MSI2: variants seen among roughly 807,000 people sequenced by gnomAD.
The protein encoded by MSI2 is RNA-binding protein Musashi homolog 2.
In MSI2, 17 loss-of-function variants were observed where a neutral mutation model predicts 45.6. That is an observed-to-expected ratio of 0.37 (90% confidence interval 0.26 to 0.56). MSI2 has a LOEUF of 0.56. Among genes scored for constraint, MSI2 ranks in the 20% least tolerant of loss-of-function variants. MSI2 has a pLI of 0.77. For synonymous variants in MSI2, 156 were observed against 158.2 expected, an observed-to-expected ratio of 0.99 and a Z score of 0.11; for missense variants, 293 against 444.2, an observed-to-expected ratio of 0.66 and a Z score of 3.06.
At chr17:57,676,088 G>A (rs1462957147) in intron 12 of MSI2, among the ~76,000 whole-genome samples, 3 of 152,204 alleles carry the variant, frequency 2.0e-5, no homozygotes, top group African/African-American at 4.8e-5. Context: ...GTCAGACTCC[G>A]CTTCTGAGTG....
At chr17:57,299,024 G>A (rs1911213294) in intron 5 of MSI2, among the ~76,000 whole-genome samples, 1 of 152,216 alleles carries the variant, frequency 6.6e-6, no homozygotes. Context: ...AGCACTTGCT[G>A]TATTACTTTG....
At chr17:57,564,379 G>T (rs1036380038) in intron 7 of MSI2, among the ~76,000 whole-genome samples, 1 of 152,180 alleles carries the variant, frequency 6.6e-6, no homozygotes, top group Admixed American at 6.5e-5. Context: ...TTTAATTGGG[G>T]ACATTTCTGA....
intron 13 of MSI2, among the ~76,000 whole-genome samples, chr17:57,678,049 C>T (rs1913356511): frequency 6.6e-6 from 1 of 152,210 alleles, no homozygotes; most frequent in African/African-American, 2.4e-5. Flanking sequence ...CAAAGCCTTT[C>T]AATCTTGGAG....
intron 8 of MSI2, among the ~76,000 whole-genome samples, chr17:57,599,674 A>C (rs1413010522): frequency 6.6e-6 from 1 of 152,214 alleles, no homozygotes; most frequent in Non-Finnish European, 1.5e-5. Flanking sequence ...AAGTGGGGGC[A>C]GATTGATTCG....
chr17:57,673,592 T>C (rs954564737), intron 11 of MSI2, among the ~76,000 whole-genome samples: 1 of 152,186 alleles, frequency 6.6e-6, no homozygotes, highest in Non-Finnish European at 1.5e-5. Context: ...AAAAATATTG[T>C]TTTCCATTTT....
At chr17:57,468,821 G>A (rs536909468) in intron 6 of MSI2, among the ~76,000 whole-genome samples, 6 of 152,236 alleles carry the variant, frequency 3.9e-5, no homozygotes, top group South Asian at 4.2e-4. Context: ...TGAGGATGGC[G>A]AGCGCTGGGG....
intron 6 of MSI2, among the ~76,000 whole-genome samples, chr17:57,450,601 G>A (rs960790526): frequency 1.4e-4 from 20 of 145,030 alleles, no homozygotes; most frequent in African/African-American, 4.9e-4. Flanking sequence ...AACTCGGGAG[G>A]TAGAGGCTAC....
At chr17:57,481,316 T>G (rs2085642553) in intron 6 of MSI2, among the ~76,000 whole-genome samples, 1 of 152,200 alleles carries the variant, frequency 6.6e-6, no homozygotes, top group Non-Finnish European at 1.5e-5. Context: ...TGTAACCTAT[T>G]CCACCCAAAT....
chr17:57,317,506 CTTTTT>C (rs921448429), intron 5 of MSI2, among the ~76,000 whole-genome samples: 1 of 94,574 alleles, frequency 1.1e-5, no homozygotes, highest in Non-Finnish European at 2.0e-5. Flanking sequence ...TATAGTTTTG[CTTTTT>C]TTTTTTTTTT....
chr17:57,535,480 G>A lies in MSI2; in HGVS notation c.454+5756G>A, dbSNP rs1017050441. On this transcript the variant is annotated intron_variant, in intron 7 of 13. Coordinates refer to ENST00000284073, the MANE Select transcript of MSI2 (RefSeq NM_138962.4). Reference sequence around the variant, plus strand: ...GCCTGCTTGCCCTGGAACATTGCCAGAGGCAAAGGAACAGGAGACACGGGG... The same window carrying A: ...GCCTGCTTGCCCTGGAACATTGCCAAAGGCAAAGGAACAGGAGACACGGGG... 5.9e-5 allele frequency among the ~76,000 whole-genome samples: 9 copies of A among 152,266 alleles called. 1 individual carries two copies. Among genetic ancestry groups the A allele is most frequent in the Admixed American group, 5.2e-4 (8 of 15,292 alleles).
chr17:57,285,779 T>G, intron 5 of MSI2: 1 of 1,263,286 alleles, frequency 7.9e-7, no homozygotes, highest in Non-Finnish European at 1.0e-6. Context: ...GCAAGCATCA[T>G]TATATTTTTA....
intron 6 of MSI2, among the ~76,000 whole-genome samples, chr17:57,519,733 A>G (rs1335223986): frequency 6.6e-6 from 1 of 152,202 alleles, no homozygotes; most frequent in Admixed American, 6.5e-5. Context: ...AGACAGGGGC[A>G]CTGCACAAAG....
intron 7 of MSI2, among the ~76,000 whole-genome samples, chr17:57,571,056 T>C (rs1319973223): frequency 6.6e-6 from 1 of 152,200 alleles, no homozygotes; most frequent in Non-Finnish European, 1.5e-5. Flanking sequence ...TCAGCCATAA[T>C]TGGCCGCCTT....
intron 7 of MSI2, among the ~76,000 whole-genome samples, chr17:57,561,963 T>TTA (rs2087586992): frequency 6.6e-6 from 1 of 152,292 alleles, no homozygotes; most frequent in African/African-American, 2.4e-5. Flanking sequence ...TTTCTACTTA[T>TTA]TATATATATA....
At chr17:57,443,657 C>G (rs1488747460) in intron 6 of MSI2, among the ~76,000 whole-genome samples, 2 of 152,118 alleles carry the variant, frequency 1.3e-5, no homozygotes, top group Non-Finnish European at 2.9e-5. Flanking sequence ...TCCTCCCTGC[C>G]CCCTGAATGT....
At chr17:57,411,244 T>C (rs2084190467) in intron 6 of MSI2, among the ~76,000 whole-genome samples, 1 of 152,180 alleles carries the variant, frequency 6.6e-6, no homozygotes. Flanking sequence ...TGGACTCAAG[T>C]GATCTGCCTG....
chr17:57,283,244 C>T (rs1297675787), intron 5 of MSI2, among the ~76,000 whole-genome samples: 3 of 152,034 alleles, frequency 2.0e-5, no homozygotes, highest in South Asian at 2.1e-4. Context: ...GAATCTGGCC[C>T]GTAAAGTCTC....
At position 57,529,934 on chromosome 17, in the gene MSI2, T is replaced by C. The variant is rs959927117; in HGVS notation, c.454+210T>C. ...GCTGAAAAACCATTTCCTTCTGGCC[T>C]AGGAACTCCTGTTTAGTTATGCAGC... On this transcript the variant is annotated intron_variant, in intron 7 of 13. Transcript: ENST00000284073. The surrounding 1 kb of genome is among the most constrained non-coding windows in gnomAD (Gnocchi z 5.3). 3.2e-4 allele frequency among the ~76,000 whole-genome samples: 48 copies of C among 152,194 alleles called. No homozygotes were observed. The highest frequency in any genetic ancestry group is 2.7e-3 in the Admixed American group (42 of 15,286).
At chr17:57,389,563 G>A (rs937858178) in intron 5 of MSI2, among the ~76,000 whole-genome samples, 3 of 152,188 alleles carry the variant, frequency 2.0e-5, no homozygotes, top group Non-Finnish European at 2.9e-5. Flanking sequence ...TTACTTGAAT[G>A]TAAGCATCTT....
Sources: allele counts gnomAD v4.1 joint callset (sites outside exome capture counted in the v4.1 genomes callset), GRCh38; gene constraint gnomAD v4.1.1; non-coding constraint Gnocchi (gnomAD v3.1); transcripts MANE v1.5; gene names NCBI Gene and HGNC (gene_info 2026-07-23, HGNC 2026-07-21).